VEPH1: variants seen among roughly 807,000 people sequenced by gnomAD.
The protein encoded by VEPH1 is ventricular zone expressed PH domain containing 1.
A neutral mutation model predicts 85.2 loss-of-function variants in VEPH1; 80 were observed. The observed-to-expected ratio is 0.94, with a 90% CI of 0.78 to 1.13. The LOEUF (loss-of-function observed/expected upper bound fraction) is 1.13. VEPH1 is among the 50% of genes most tolerant of loss of function. The pLI is 0.00. For missense variants in VEPH1, 955 were observed against 980.5 expected (o/e 0.97, Z 0.35); for synonymous variants, 297 against 348.0 (o/e 0.85, Z 1.63).
chr3:157,340,073 C>G (rs1337571746), intron 9 of VEPH1, among the ~76,000 whole-genome samples: 1 of 152,202 alleles, frequency 6.6e-6, no homozygotes, highest in African/African-American at 2.4e-5. Context: ...GGAACAGCTC[C>G]AGTCTACAGC....
chr3:157,347,530 C>G (rs997049294), intron 9 of VEPH1, among the ~76,000 whole-genome samples: 4 of 152,152 alleles, frequency 2.6e-5, no homozygotes, highest in African/African-American at 9.7e-5. Context: ...AGGAGAGGAC[C>G]ACAGCAATGG....
intron 9 of VEPH1, among the ~76,000 whole-genome samples, chr3:157,325,673 T>A (rs561131188): frequency 2.6e-5 from 4 of 152,184 alleles, no homozygotes; most frequent in African/African-American, 9.6e-5. Context: ...TATTTCTGGG[T>A]TCTTTATTCT....
chr3:157,444,121 A>G (rs1373445948), intron 4 of VEPH1, among the ~76,000 whole-genome samples: 1 of 152,192 alleles, frequency 6.6e-6, no homozygotes, highest in Non-Finnish European at 1.5e-5. Context: ...TCCCCACCAC[A>G]CTAGTATTCT....
At chr3:157,467,192 A>G (rs1241579188) in intron 3 of VEPH1, among the ~76,000 whole-genome samples, 2 of 151,806 alleles carry the variant, frequency 1.3e-5, no homozygotes, top group African/African-American at 4.8e-5. Context: ...CCAGAAAAAA[A>G]AAAATCAAAT....
At chr3:157,330,636 G>A (rs998434651) in intron 9 of VEPH1, among the ~76,000 whole-genome samples, 1 of 152,102 alleles carries the variant, frequency 6.6e-6, no homozygotes, top group African/African-American at 2.4e-5. Context: ...AAAGGCAAGG[G>A]GTAGCTCAAG....
At chr3:157,439,748 T>C (rs1438763327) in intron 4 of VEPH1, among the ~76,000 whole-genome samples, 1 of 152,106 alleles carries the variant, frequency 6.6e-6, no homozygotes, top group African/African-American at 2.4e-5. Flanking sequence ...TCTTGAACAC[T>C]ACTTTTTTGT....
chr3:157,426,076 G>C (rs941976125), intron 5 of VEPH1, among the ~76,000 whole-genome samples: 1 of 152,150 alleles, frequency 6.6e-6, no homozygotes, highest in Non-Finnish European at 1.5e-5. Flanking sequence ...CTCCCGCCAT[G>C]ATTCTGAGGC....
At chr3:157,304,392 A>C (rs1359120347) in intron 11 of VEPH1, among the ~76,000 whole-genome samples, 1 of 152,154 alleles carries the variant, frequency 6.6e-6, no homozygotes, top group African/African-American at 2.4e-5. Flanking sequence ...TTTCTGCAGC[A>C]TACAACATTT....
intron 12 of VEPH1, among the ~76,000 whole-genome samples, chr3:157,270,902 A>G (rs1161364957): frequency 3.9e-5 from 6 of 152,048 alleles, no homozygotes. Flanking sequence ...CAGAAATTCC[A>G]CTTCTAGTTG....
intron 1 of VEPH1, among the ~76,000 whole-genome samples, chr3:157,501,574 C>T (rs1247049992): frequency 6.6e-6 from 1 of 152,184 alleles, no homozygotes. Flanking sequence ...TAGTGGCTTA[C>T]TCTATTATGC....
Position 157,388,709 on chromosome 3 carries a change from G to T in VEPH1, c.907-7333C>A, listed in dbSNP as rs560900176. Among the ~76,000 whole-genome samples the T allele has an allele frequency of 3.9e-5, 6 of 152,150 alleles. No homozygotes were observed. The South Asian group carries it at 1.2e-3, about 32-fold the overall frequency. On this transcript the variant is annotated intron_variant, in intron 6 of 13. Coordinates refer to ENST00000362010, the MANE Select transcript of VEPH1 (RefSeq NM_001167912.2). The stretch of plus-strand genomic sequence containing the variant: ...CAGGTCAAAATATTTGGAAAAAATA[G>T]AAAACAATATAACGATAAAAATAAT...
At chr3:157,402,045 G>A (rs765747065) in intron 6 of VEPH1, among the ~76,000 whole-genome samples, 14 of 152,068 alleles carry the variant, frequency 9.2e-5, no homozygotes, top group Non-Finnish European at 1.9e-4. Context: ...CTTAACAATG[G>A]TTTAATCTTG....
intron 4 of VEPH1, among the ~76,000 whole-genome samples, chr3:157,432,968 G>A (rs80027448): frequency 0.011 from 1,635 of 152,144 alleles, 13 homozygotes; most frequent in Middle Eastern, 0.024. Flanking sequence ...TGTTGCTTAG[G>A]TATCCCATAG....
chr3:157,401,899 A>G (rs1302858381), intron 6 of VEPH1, among the ~76,000 whole-genome samples: 1 of 152,190 alleles, frequency 6.6e-6, no homozygotes, highest in Non-Finnish European at 1.5e-5. Context: ...TGCAGAAGAA[A>G]AAGTCCGAAA....
intron 9 of VEPH1, among the ~76,000 whole-genome samples, chr3:157,325,985 C>A (rs955944720): frequency 6.6e-6 from 1 of 151,990 alleles, no homozygotes; most frequent in African/African-American, 2.4e-5. Flanking sequence ...TTTTCCATTT[C>A]TTTGTGTCAT....
At chr3:157,306,267 C>T (rs1170025487) in intron 11 of VEPH1, among the ~76,000 whole-genome samples, 2 of 152,074 alleles carry the variant, frequency 1.3e-5, no homozygotes, top group Admixed American at 6.5e-5. Context: ...TTTCTCCTTA[C>T]CCAAAGGCAA....
chr3:157,299,735 C>G (rs1273953042), intron 11 of VEPH1, among the ~76,000 whole-genome samples: 1 of 152,028 alleles, frequency 6.6e-6, no homozygotes, highest in Admixed American at 6.6e-5. Context: ...ATGAGAGGCA[C>G]AAAGACATCA....
At chr3:157,499,911 A>G (rs2109787078) in intron 1 of VEPH1, among the ~76,000 whole-genome samples, 1 of 152,228 alleles carries the variant, frequency 6.6e-6, no homozygotes, top group East Asian at 1.9e-4. Flanking sequence ...AGATCTCACA[A>G]ACGTTTTGGA....
At chr3:157,434,319 TCC>T (rs1173788926) in intron 4 of VEPH1, among the ~76,000 whole-genome samples, 2 of 152,130 alleles carry the variant, frequency 1.3e-5, no homozygotes, top group African/African-American at 4.8e-5. Flanking sequence ...TCTCTCTCTC[TCC>T]TTTTCTTTTT....
Sources: gnomAD v4.1 joint callset for allele counts (sites outside exome capture counted in the v4.1 genomes callset) on GRCh38, gnomAD v4.1.1 for gene constraint, MANE v1.5 for transcripts, NCBI Gene and HGNC (gene_info 2026-07-23, HGNC 2026-07-21) for gene names.